Variants in CHL1 observed in about 807,000 individuals in gnomAD.
The protein encoded by CHL1 is neural cell adhesion molecule L1-like protein.
CHL1 carries 96 observed loss-of-function variants against 141.9 expected under a neutral mutation model. The ratio of observed to expected loss-of-function variants is 0.68; its 90% CI spans 0.57 to 0.80. CHL1 has a LOEUF of 0.80. CHL1 is among the 30% of genes least tolerant of loss of function. The pLI is 0.00. For synonymous variants in CHL1, 613 were observed against 502.2 expected (o/e 1.22, Z -2.95); for missense variants, 1,820 against 1,457.2 (o/e 1.25, Z -4.05).
At chr3:355,733 T>A (rs943619381) in intron 11 of CHL1, among the ~76,000 whole-genome samples, 1 of 152,100 alleles carries the variant, frequency 6.6e-6, no homozygotes, top group African/African-American at 2.4e-5. Flanking sequence ...TTTTTTAAAC[T>A]GCAAAATGGA....
chr3:403,350 A>C (rs1709291131), intron 27 of CHL1, among the ~76,000 whole-genome samples: 1 of 152,166 alleles, frequency 6.6e-6, no homozygotes, highest in African/African-American at 2.4e-5. Flanking sequence ...GGAACAAATC[A>C]TTAAGTTTAG....
At chr3:364,956 G>T (rs1704684355) in intron 14 of CHL1, among the ~76,000 whole-genome samples, 1 of 151,980 alleles carries the variant, frequency 6.6e-6, no homozygotes, top group African/African-American at 2.4e-5. Context: ...ATGAATTTCT[G>T]GCTTTAAATT....
chr3:385,631 C>T (rs1389730152), intron 19 of CHL1: 2 of 152,058 alleles, frequency 1.3e-5, no homozygotes, highest in Admixed American at 6.6e-5. Flanking sequence ...AGTTTGAGAC[C>T]AGCCTGGACA....
chr3:237,261 C>T (rs1384941903), intron 1 of CHL1, among the ~76,000 whole-genome samples: 1 of 152,138 alleles, frequency 6.6e-6, no homozygotes, highest in African/African-American at 2.4e-5. Flanking sequence ...TGTGGAAGTT[C>T]CCCACTCACT....
At chr3:344,267 G>T (rs1000241186) in intron 8 of CHL1, among the ~76,000 whole-genome samples, 4 of 152,142 alleles carry the variant, frequency 2.6e-5, no homozygotes, top group Non-Finnish European at 5.9e-5. Context: ...TGACATGATT[G>T]AAGTATAGAA....
In CHL1 at chr3:267,984, GA is replaced by G. The variant is rs199876509; in HGVS notation, c.-95+23297del. 5.3e-3 allele frequency among the ~76,000 whole-genome samples: 800 copies of G among 152,186 alleles called. 9 individuals carry two copies. Among genetic ancestry groups the G allele is most frequent in the African/African-American group, 0.019 (773 of 41,516 alleles). The stretch of plus-strand genomic sequence containing the variant: ...CAATTCTAAAATGATTCTTTCCTAT[GA>G]AAAACCATGCTTTGGTTTCATTTCA... On this transcript the variant is annotated intron_variant, in intron 2 of 27. Transcript: ENST00000256509.
chr3:369,655 A>C, intron 15 of CHL1, among the ~76,000 whole-genome samples: 1 of 152,304 alleles, frequency 6.6e-6, no homozygotes, highest in East Asian at 1.9e-4. Flanking sequence ...GTGGTGAGAG[A>C]GGGCATCCTT....
chr3:270,867 T>C (rs1395853631), intron 2 of CHL1, among the ~76,000 whole-genome samples: 2 of 152,216 alleles, frequency 1.3e-5, no homozygotes, highest in African/African-American at 4.8e-5. Context: ...GGTGCACACA[T>C]GTGTGACCTC....
At chr3:216,005 A>G (rs1700286451) in intron 1 of CHL1, among the ~76,000 whole-genome samples, 1 of 152,220 alleles carries the variant, frequency 6.6e-6, no homozygotes, top group Non-Finnish European at 1.5e-5. Flanking sequence ...GGAAATTGGC[A>G]TAATGAATGT....
At chr3:222,773 G>A (rs150574774) in intron 1 of CHL1, among the ~76,000 whole-genome samples, 41 of 152,206 alleles carry the variant, frequency 2.7e-4, no homozygotes, top group Admixed American at 5.9e-4. Context: ...CTATTTTTAT[G>A]AAGATGGGGA....
intron 1 of CHL1, among the ~76,000 whole-genome samples, chr3:239,327 T>C (rs1692313562): frequency 6.6e-6 from 1 of 152,158 alleles, no homozygotes; most frequent in Admixed American, 6.5e-5. Context: ...ATGAGACAAC[T>C]AGAGTTCTAA....
chr3:402,967 C>A (rs915378320), intron 27 of CHL1, among the ~76,000 whole-genome samples: 1 of 152,156 alleles, frequency 6.6e-6, no homozygotes, highest in African/African-American at 2.4e-5. Context: ...ATTCAGGAAT[C>A]CAGACATGGC....
chr3:363,957 G>A (rs928880401), intron 14 of CHL1: 1 of 152,060 alleles, frequency 6.6e-6, no homozygotes, highest in South Asian at 2.1e-4. Context: ...AAGGATCTTC[G>A]GTATTAATAA....
In CHL1 at chr3:326,018, G is replaced by A. The variant is rs1700982185; in HGVS notation, c.151G>A (p.Glu51Lys). The A allele has an allele frequency of 6.2e-7, 1 of 1,611,714 alleles. No homozygotes were observed. The highest frequency in any genetic ancestry group is 8.5e-7 in the Non-Finnish European group (1 of 1,178,584). Reference protein sequence around the residue: ...SKVQVAFPFDEYFQIECEAKG... With the variant: ...SKVQVAFPFDKYFQIECEAKG... ...AGTCCAAGTTGCCTTTCCCTTCGAT[G>A]AGTATTTTCAAATTGAATGTGAAGC... Residue 51 changes from glutamate (E) to lysine (K), a missense_variant, in exon 4 of 28, where the codon GAG (glutamate) becomes AAG (lysine). Coordinates refer to ENST00000256509, the MANE Select transcript of CHL1 (RefSeq NM_006614.4).
intron 15 of CHL1, among the ~76,000 whole-genome samples, chr3:373,318 T>A (rs193164436): frequency 6.6e-6 from 1 of 152,322 alleles, no homozygotes; most frequent in African/African-American, 2.4e-5. Flanking sequence ...TTGGAGTTCC[T>A]GCAGGGAAGC....
At chr3:226,526 C>T (rs4685477) in intron 1 of CHL1, among the ~76,000 whole-genome samples, 67,680 of 150,868 alleles carry the variant, frequency 0.45, 15,720 homozygotes, top group East Asian at 0.56. Flanking sequence ...ACTGCATCAC[C>T]GCAACCTCCA....
intron 2 of CHL1, among the ~76,000 whole-genome samples, chr3:280,775 A>G (rs892191649): frequency 2.0e-5 from 3 of 152,154 alleles, no homozygotes; most frequent in Non-Finnish European, 2.9e-5. Flanking sequence ...GGTGGGTAGT[A>G]AGTTTAATCA....
At chr3:363,488 G>C in intron 14 of CHL1, 105 bp downstream of exon 14, 1 of 1,085,236 alleles carries the variant, frequency 9.2e-7, no homozygotes, top group Non-Finnish European at 1.3e-6. Context: ...ACCAGATAAA[G>C]TTCTTTGAAC....
intron 1 of CHL1, among the ~76,000 whole-genome samples, chr3:242,284 G>A (rs1296261669): frequency 6.7e-6 from 1 of 150,054 alleles, no homozygotes; most frequent in East Asian, 2.0e-4. Flanking sequence ...CAACATGAAG[G>A]AATGAAAGAA....
Sources: gnomAD v4.1 joint callset for allele counts (sites outside exome capture counted in the v4.1 genomes callset) on GRCh38, gnomAD v4.1.1 for gene constraint, MANE v1.5 for transcripts, NCBI Gene and HGNC (gene_info 2026-07-23, HGNC 2026-07-21) for gene names.